Variants in PTPRB observed in about 807,000 individuals in gnomAD.
The protein encoded by PTPRB is protein tyrosine phosphatase receptor type B.
PTPRB carries 97 observed loss-of-function variants against 238.1 expected under a neutral mutation model. The ratio of observed to expected loss-of-function variants is 0.41; its 90% CI spans 0.35 to 0.48. PTPRB has a LOEUF of 0.48. Ranked by LOEUF, PTPRB falls within the 20% of genes least tolerant of loss-of-function variation. The pLI, the probability that PTPRB is intolerant of heterozygous loss-of-function variation, is 0.30. For synonymous variants in PTPRB, 970 were observed against 995.4 expected, an observed-to-expected ratio of 0.97 and a Z score of 0.48; for missense variants, 2,292 against 2,681.9, an observed-to-expected ratio of 0.85 and a Z score of 3.21.
At chr12:70,565,669 C>T (rs1383216824) in intron 15 of PTPRB, among the ~76,000 whole-genome samples, 1 of 152,190 alleles carries the variant, frequency 6.6e-6, no homozygotes, top group African/African-American at 2.4e-5. Flanking sequence ...TCCCTGTCAA[C>T]ATAACCATCC....
chr12:70,526,606 T>C (rs541107572), intron 32 of PTPRB, among the ~76,000 whole-genome samples: 12 of 152,350 alleles, frequency 7.9e-5, no homozygotes, highest in African/African-American at 2.9e-4. Flanking sequence ...TCATTTATTA[T>C]GAATGTTACA....
Position 70,560,563 on chromosome 12 carries a change from GGGT to G in PTPRB, c.4432+105_4432+107del. ...CTTCCCAAATTCAGGGGCTAGCTCA[GGGT>G]ATATCATTATTGGCTTTATCTCTTG... On this transcript the variant is annotated intron_variant, in intron 17 of 33. Coordinates refer to ENST00000334414, the MANE Select transcript of PTPRB (RefSeq NM_001109754.4). This position sits in a 1 kb window ranked among gnomAD's most constrained non-coding sequence, Gnocchi z 4.2. The G allele has an allele frequency of 7.0e-7, 1 of 1,426,634 alleles. No individual in the cohort carries two copies. The highest frequency in any genetic ancestry group is 9.5e-7 in the Non-Finnish European group (1 of 1,048,488). 88.4% of individuals were successfully genotyped at this position (1,426,634 alleles called of 1,614,324 possible). A position where few individuals can be genotyped will look rare whatever the true frequency, so the allele number is the denominator to read the frequency against.
intron 3 of PTPRB, among the ~76,000 whole-genome samples, chr12:70,610,196 C>T (rs1326286271): frequency 6.6e-6 from 1 of 152,186 alleles, no homozygotes; most frequent in Non-Finnish European, 1.5e-5. Flanking sequence ...CCTGAGCCTG[C>T]CAAGGGGCCC....
At position 70,575,869 on chromosome 12, in the gene PTPRB, A is replaced by G. The variant is rs1880631828; in HGVS notation, c.2842+513T>C. 2.6e-5 allele frequency among the ~76,000 whole-genome samples: 4 copies of G among 152,338 alleles called. No individual in the cohort carries two copies. The South Asian group carries it at 8.3e-4, about 32-fold the overall frequency. ...AAGGTTCACATTTTCACCTTGTGTG[A>G]AAAAGGATGAATAGTGGTTTTGACC... On this transcript the variant is annotated intron_variant, in intron 11 of 33. Coordinates refer to ENST00000334414, the MANE Select transcript of PTPRB (RefSeq NM_001109754.4).
chr12:70,622,951 G>GA lies in PTPRB; in HGVS notation c.452-306_452-305insT, dbSNP rs202126361. 9.8e-3 allele frequency among the ~76,000 whole-genome samples: 1,332 copies of GA among 135,462 alleles called. 17 individuals carry two copies. The highest frequency in any genetic ancestry group is 0.035 in the African/African-American group (1,250 of 35,282). 88.9% of individuals were successfully genotyped at this position (135,462 alleles called of 152,430 possible). On this transcript the variant is annotated intron_variant, in intron 2 of 33. Transcript: ENST00000334414. The stretch of plus-strand genomic sequence containing the variant: ...TTAAACCTATTCTATGAGAATTTAG[G>GA]GGGGGGGTCACTGAATTGGCTTCAG...
chr12:70,522,320 C>T (rs992987551), intron 33 of PTPRB, among the ~76,000 whole-genome samples: 1 of 152,034 alleles, frequency 6.6e-6, no homozygotes, highest in Non-Finnish European at 1.5e-5. Flanking sequence ...GCCATGTGAA[C>T]AAGCCATTAT....
chr12:70,586,715 C>G (rs986561498), intron 9 of PTPRB, among the ~76,000 whole-genome samples: 2 of 152,186 alleles, frequency 1.3e-5, no homozygotes, highest in Non-Finnish European at 2.9e-5. Flanking sequence ...ACCATAGTTC[C>G]TCTTCTAGAT....
intron 3 of PTPRB, among the ~76,000 whole-genome samples, chr12:70,621,928 G>A (rs1884955383): frequency 6.6e-6 from 1 of 152,230 alleles, no homozygotes; most frequent in African/African-American, 2.4e-5. Flanking sequence ...TGATGTGGAA[G>A]TGGTACGTGA....
At chr12:70,539,779 A>G (rs769062621) in intron 25 of PTPRB, 48 bp downstream of exon 25, 5 of 1,597,868 alleles carry the variant, frequency 3.1e-6, no homozygotes, top group Non-Finnish European at 4.3e-6. Flanking sequence ...ATTCTGACTC[A>G]TATTTCAAAG....
At chr12:70,535,093 A>G in intron 29 of PTPRB, 138 bp from the exon 30 acceptor site, 1 of 988,404 alleles carries the variant, frequency 1.0e-6, no homozygotes, top group Non-Finnish European at 1.4e-6. Flanking sequence ...TCTACTTTAT[A>G]TTAACCTTCT....
intron 31 of PTPRB, among the ~76,000 whole-genome samples, chr12:70,534,203 A>G (rs1477574225): frequency 6.6e-6 from 1 of 152,196 alleles, no homozygotes; most frequent in Non-Finnish European, 1.5e-5. Flanking sequence ...TCCCATCAGG[A>G]CTTTGCATTT....
In PTPRB at chr12:70,592,403, T is replaced by C; in HGVS notation, c.1659A>G (p.Val553=). ...SHKGTIKESR[V]LAPWITETHF... ...GAGTTTCAGTAATCCAAGGTGCTAA[T>C]ACTCTGGATTCCTTGATGGTCCCTT... Residue 553 remains valine (V), a synonymous_variant, in exon 7 of 34, where the codon GTA becomes GTG. Transcript: ENST00000334414. 2 of 1,613,906 alleles carry C rather than the reference T, an allele frequency of 1.2e-6. No homozygotes were observed. The highest frequency in any genetic ancestry group is 1.7e-6 in the Non-Finnish European group (2 of 1,179,782).
chr12:70,563,485 T>A (rs1186277808), intron 15 of PTPRB, among the ~76,000 whole-genome samples: 1 of 152,292 alleles, frequency 6.6e-6, no homozygotes, highest in Middle Eastern at 3.4e-3. Context: ...TCTCTTTGCT[T>A]TCTCCTCTCC....
At chr12:70,595,571 T>G (rs1882941886) in intron 5 of PTPRB, among the ~76,000 whole-genome samples, 1 of 152,328 alleles carries the variant, frequency 6.6e-6, no homozygotes. Flanking sequence ...TATCATAATA[T>G]GTGGGTGCAC....
At chr12:70,557,364 C>T (rs1877852280) in intron 18 of PTPRB, among the ~76,000 whole-genome samples, 1 of 152,180 alleles carries the variant, frequency 6.6e-6, no homozygotes, top group Non-Finnish European at 1.5e-5. Flanking sequence ...CTCACCCGAT[C>T]CTAATAAATA....
intron 16 of PTPRB, among the ~76,000 whole-genome samples, chr12:70,562,307 C>T (rs116123805): frequency 0.042 from 6,403 of 152,008 alleles, 325 homozygotes; most frequent in African/African-American, 0.12. Flanking sequence ...TTTTTTTGAA[C>T]AGGAGATAAA....
intron 32 of PTPRB, among the ~76,000 whole-genome samples, chr12:70,527,291 A>G (rs430172): frequency 0.97 from 147,181 of 152,290 alleles, 71,162 homozygotes; most frequent in East Asian, 1. Context: ...ACTTTGAGGG[A>G]AGGAAACTAT....
In PTPRB at chr12:70,571,826, G is replaced by T. The variant is rs746695249; in HGVS notation, c.3104C>A (p.Thr1035Lys). The change falls in exon 12 of 34, where the codon ACA becomes AAA. Residue 1035 changes from threonine (T) to lysine (K), a missense_variant and splice_region_variant. This residue lies in a region of PTPRB where 1,205 missense variants were observed against 1,287.8 expected (regional missense o/e 0.94). Coordinates refer to ENST00000334414, the MANE Select transcript of PTPRB (RefSeq NM_001109754.4). ...YEANEQGNGR[T>K]IPEPVKDLTL... ...GATTTTGCAATCGTTCCACTTACTTGTTCTCCCATTCCCTTGTTCATTGGC... is the reference window on the plus strand; with the variant it reads ...GATTTTGCAATCGTTCCACTTACTTTTTCTCCCATTCCCTTGTTCATTGGC... The T allele has an allele frequency of 6.2e-7, 1 of 1,608,922 alleles. No homozygotes were observed.
intron 21 of PTPRB, among the ~76,000 whole-genome samples, chr12:70,545,916 C>T (rs112838512): frequency 0.11 from 16,589 of 152,202 alleles, 1,273 homozygotes; most frequent in South Asian, 0.2. Context: ...GCAGGCAGAT[C>T]ACCTGAGGTC....
Sources: allele counts gnomAD v4.1 joint callset (sites outside exome capture counted in the v4.1 genomes callset), GRCh38; gene constraint gnomAD v4.1.1; regional missense constraint gnomAD v4.1.1; non-coding constraint Gnocchi (gnomAD v3.1); transcripts MANE v1.5; gene names NCBI Gene and HGNC (gene_info 2026-07-23, HGNC 2026-07-21).